Variants in LSM14A observed in about 807,000 individuals in gnomAD.
LSM14A encodes the protein protein LSM14 homolog A.
LSM14A carries 14 observed loss-of-function variants against 52.4 expected under a neutral mutation model. That is an observed-to-expected ratio of 0.27 (90% CI 0.18 to 0.42). LSM14A has a LOEUF of 0.42. LSM14A is among the 10% of genes least tolerant of loss of function. The pLI is 1.00. For synonymous variants in LSM14A, 185 were observed against 200.3 expected, an observed-to-expected ratio of 0.92 and a Z score of 0.64; for missense variants, 417 against 581.8, an observed-to-expected ratio of 0.72 and a Z score of 2.91.
chr19:34,178,477 G>C (rs1412235515), intron 1 of LSM14A, among the ~76,000 whole-genome samples: 1 of 152,216 alleles, frequency 6.6e-6, no homozygotes, highest in African/African-American at 2.4e-5. Context: ...TGTTTCTGCA[G>C]TTTGTTGCAG....
chr19:34,177,510 A>G (rs1389013610), intron 1 of LSM14A, among the ~76,000 whole-genome samples: 1 of 152,178 alleles, frequency 6.6e-6, no homozygotes, highest in Non-Finnish European at 1.5e-5. Flanking sequence ...TTTACATTTG[A>G]TGTGGTATAT....
chr19:34,210,818 C>A (rs139188764), intron 4 of LSM14A, among the ~76,000 whole-genome samples: 1,728 of 147,006 alleles, frequency 0.012, 34 homozygotes, highest in African/African-American at 0.041. Context: ...GTGATCCACC[C>A]ACCTTGGCCT....
intron 1 of LSM14A, among the ~76,000 whole-genome samples, chr19:34,189,802 C>G (rs1662313527): frequency 6.6e-6 from 1 of 151,988 alleles, no homozygotes; most frequent in Non-Finnish European, 1.5e-5. Flanking sequence ...CTAATGTAAA[C>G]CTAATAAAAA....
intron 4 of LSM14A, among the ~76,000 whole-genome samples, chr19:34,209,739 A>G (rs1356392016): frequency 6.6e-6 from 1 of 151,416 alleles, no homozygotes; most frequent in African/African-American, 2.4e-5. Flanking sequence ...GTCTCCCTGT[A>G]TTGCCCAGGC....
chr19:34,216,768 C>A (rs2072634491), intron 6 of LSM14A, among the ~76,000 whole-genome samples: 1 of 152,108 alleles, frequency 6.6e-6, no homozygotes, highest in Non-Finnish European at 1.5e-5. Flanking sequence ...AGGCAGTTAT[C>A]TTTTAATATG....
intron 3 of LSM14A, among the ~76,000 whole-genome samples, chr19:34,206,705 G>A (rs570081575): frequency 1.3e-5 from 2 of 152,110 alleles, no homozygotes; most frequent in Middle Eastern, 6.8e-3. Context: ...AGAGAATACA[G>A]GAAGAGGAAA....
chr19:34,199,830 A>G (rs1193872593), intron 3 of LSM14A, among the ~76,000 whole-genome samples: 1 of 152,220 alleles, frequency 6.6e-6, no homozygotes. Flanking sequence ...GAAAATTGCC[A>G]TTTTCTAATC....
chr19:34,208,000 A>G (rs900341947), intron 3 of LSM14A, among the ~76,000 whole-genome samples: 1 of 152,180 alleles, frequency 6.6e-6, no homozygotes, highest in Non-Finnish European at 1.5e-5. Flanking sequence ...TGTAATCTTC[A>G]TGTGTTTTAG....
At chr19:34,218,096 C>T (rs1004115156) in intron 6 of LSM14A, among the ~76,000 whole-genome samples, 2 of 151,112 alleles carry the variant, frequency 1.3e-5, no homozygotes, top group Non-Finnish European at 2.9e-5. Flanking sequence ...CTTTGCCTCC[C>T]GGGTTCAAGC....
intron 3 of LSM14A, among the ~76,000 whole-genome samples, chr19:34,205,190 A>G (rs775811774): frequency 4.6e-5 from 7 of 152,006 alleles, no homozygotes; most frequent in Non-Finnish European, 8.8e-5. Flanking sequence ...CTACCAGTTT[A>G]AGAAGCTAGG....
chr19:34,206,381 A>G (rs752870313), intron 3 of LSM14A, among the ~76,000 whole-genome samples: 7 of 151,890 alleles, frequency 4.6e-5, no homozygotes, highest in Non-Finnish European at 8.8e-5. Flanking sequence ...TTAAAAAGTA[A>G]AAAAAGACTG....
intron 1 of LSM14A, among the ~76,000 whole-genome samples, chr19:34,179,830 G>C (rs902545320): frequency 6.6e-6 from 1 of 152,180 alleles, no homozygotes; most frequent in Admixed American, 6.5e-5. Flanking sequence ...TTCCGTGCTA[G>C]AAGATGCTTG....
At chr19:34,187,035 C>G (rs947944401) in intron 1 of LSM14A, among the ~76,000 whole-genome samples, 4 of 150,986 alleles carry the variant, frequency 2.6e-5, no homozygotes, top group African/African-American at 9.8e-5. Context: ...GTCAGGAGAT[C>G]GAGACCATCC....
At position 34,185,156 on chromosome 19, in the gene LSM14A, T is replaced by G. The variant is rs568519624; in HGVS notation, c.122-9322T>G. On this transcript the variant is annotated intron_variant, in intron 1 of 9. Transcript: ENST00000544216. ...GTCGAAGATGATGTAACCTCTAGAG[T>G]TAAGTGCGAAGAAGTTGATTTTGAG... 1.1e-4 allele frequency among the ~76,000 whole-genome samples: 16 copies of G among 152,180 alleles called. No individual in the cohort carries two copies. In the East Asian group the frequency reaches 3.1e-3, roughly 29 times the overall value.
At chr19:34,175,399 T>A (rs951730821) in intron 1 of LSM14A, among the ~76,000 whole-genome samples, 2 of 152,006 alleles carry the variant, frequency 1.3e-5, no homozygotes, top group Non-Finnish European at 2.9e-5. Flanking sequence ...CTTGGCTAAT[T>A]TTTGTATTTT....
chr19:34,225,408 A>G (rs1374160648), intron 9 of LSM14A, among the ~76,000 whole-genome samples: 1 of 152,212 alleles, frequency 6.6e-6, no homozygotes, highest in Admixed American at 6.5e-5. Flanking sequence ...TTTACCACTG[A>G]AGATTAAACT....
chr19:34,173,573 A>G (rs563860713), intron 1 of LSM14A, among the ~76,000 whole-genome samples: 9 of 152,266 alleles, frequency 5.9e-5, no homozygotes, highest in African/African-American at 2.2e-4. Context: ...GCCCCTACCC[A>G]CAGTGTTAAT....
At chr19:34,213,224 C>T (rs682977) in intron 4 of LSM14A, among the ~76,000 whole-genome samples, 52,420 of 151,418 alleles carry the variant, frequency 0.35, 9,477 homozygotes, top group African/African-American at 0.39. Flanking sequence ...CCAAAACTTA[C>T]ATAAACCATG....
chr19:34,215,841 T>C (rs2072543971), intron 6 of LSM14A, among the ~76,000 whole-genome samples, 180 bp downstream of exon 6: 1 of 152,188 alleles, frequency 6.6e-6, no homozygotes, highest in African/African-American at 2.4e-5. Flanking sequence ...GGTGGTAGTT[T>C]TGCAAATCTA....
Sources: allele counts gnomAD v4.1 joint callset (sites outside exome capture counted in the v4.1 genomes callset), GRCh38; gene constraint gnomAD v4.1.1; transcripts MANE v1.5; gene names NCBI Gene and HGNC (gene_info 2026-07-23, HGNC 2026-07-21).